Variants in CACNA1C observed in about 807,000 individuals in gnomAD.
The protein encoded by CACNA1C is voltage-dependent L-type calcium channel subunit alpha-1C.
Under a neutral mutation model 229.0 loss-of-function variants are expected in CACNA1C, and 30 were observed. The ratio of observed to expected loss-of-function variants is 0.13; its 90% CI spans 0.10 to 0.18. The LOEUF (loss-of-function observed/expected upper bound fraction) is 0.18. Among genes scored for constraint, CACNA1C ranks in the 10% least tolerant of loss-of-function variants. The probability of loss-of-function intolerance (pLI) is 1.00; values close to 1 mark genes in which losing one functional copy is unlikely to be tolerated. For missense variants in CACNA1C, 1,658 were observed against 2,845.0 expected (o/e 0.58, Z 9.49); for synonymous variants, 1,114 against 1,132.5 (o/e 0.98, Z 0.33).
At chr12:2,687,864 A>C (rs1242233707) in intron 45 of CACNA1C, among the ~76,000 whole-genome samples, 1 of 152,184 alleles carries the variant, frequency 6.6e-6, no homozygotes, top group Non-Finnish European at 1.5e-5. Context: ...ACAATACAGC[A>C]CCGGATTTAA....
At chr12:2,382,535 T>C (rs2098272930) in intron 3 of CACNA1C, among the ~76,000 whole-genome samples, 4 of 152,168 alleles carry the variant, frequency 2.6e-5, no homozygotes, top group Admixed American at 2.6e-4. Context: ...TTCTCTAAAT[T>C]GGCAATTCAC....
chr12:2,393,830 T>A (rs56151937), intron 3 of CACNA1C, among the ~76,000 whole-genome samples: 1 of 151,914 alleles, frequency 6.6e-6, no homozygotes, highest in African/African-American at 2.4e-5. Flanking sequence ...TGGGGATTGG[T>A]CGTGGAGGCT....
intron 3 of CACNA1C, among the ~76,000 whole-genome samples, chr12:2,239,544 C>T (rs1260191572): frequency 6.6e-6 from 1 of 152,106 alleles, no homozygotes; most frequent in Non-Finnish European, 1.5e-5. Context: ...CTGGGAAGCC[C>T]GGCGCTTCCC....
At chr12:2,341,838 G>A (rs1313711189) in intron 3 of CACNA1C, among the ~76,000 whole-genome samples, 1 of 152,202 alleles carries the variant, frequency 6.6e-6, no homozygotes, top group Non-Finnish European at 1.5e-5. Context: ...TCTGGCCCTG[G>A]CTGTGATGAT....
intron 9 of CACNA1C, among the ~76,000 whole-genome samples, chr12:2,545,312 A>G (rs967844629): frequency 5.5e-5 from 8 of 145,942 alleles, no homozygotes; most frequent in African/African-American, 2.0e-4. Context: ...AGAATGGTTG[A>G]CATTGAGTTA....
At chr12:2,026,889 T>C (rs2047416058) in intron 1 of CACNA1C, among the ~76,000 whole-genome samples, 1 of 152,228 alleles carries the variant, frequency 6.6e-6, no homozygotes, top group African/African-American at 2.4e-5. Context: ...TATACATTCT[T>C]GGAGTACAAA....
chr12:2,460,594 A>G (rs1005791511), intron 5 of CACNA1C, among the ~76,000 whole-genome samples: 1 of 152,234 alleles, frequency 6.6e-6, no homozygotes, highest in Non-Finnish European at 1.5e-5. Flanking sequence ...GCACTTAAGT[A>G]AGGTAGACGT....
At chr12:2,444,395 G>A (rs999157379) in intron 3 of CACNA1C, among the ~76,000 whole-genome samples, 11 of 152,114 alleles carry the variant, frequency 7.2e-5, no homozygotes, top group Admixed American at 2.0e-4. Flanking sequence ...AGATAAATTC[G>A]CATAATGTGA....
At chr12:2,539,271 G>A (rs1408053097) in intron 9 of CACNA1C, among the ~76,000 whole-genome samples, 1 of 123,820 alleles carries the variant, frequency 8.1e-6, no homozygotes, top group Admixed American at 8.3e-5. Flanking sequence ...AAAGATGCAG[G>A]CAGGGTTTAA....
chr12:2,674,296 G>A (rs1172480731), intron 38 of CACNA1C, among the ~76,000 whole-genome samples: 1 of 152,220 alleles, frequency 6.6e-6, no homozygotes, highest in Non-Finnish European at 1.5e-5. Flanking sequence ...AGGGGGAAGG[G>A]GACAGGAATG....
intron 1 of CACNA1C, among the ~76,000 whole-genome samples, chr12:2,065,705 G>A (rs2059044595): frequency 6.6e-6 from 1 of 152,220 alleles, no homozygotes; most frequent in Admixed American, 6.5e-5. Context: ...TGGAATAAAT[G>A]GAGGAAGTGT....
intron 42 of CACNA1C, chr12:2,680,533 G>A (rs1264900147): frequency 3.2e-6 from 5 of 1,573,894 alleles, no homozygotes; most frequent in South Asian, 1.2e-5. Flanking sequence ...TCCAGAGTAG[G>A]AGAGTGGCTC....
At chr12:2,166,510 A>G (rs1311224857) in intron 3 of CACNA1C, among the ~76,000 whole-genome samples, 1 of 152,226 alleles carries the variant, frequency 6.6e-6, no homozygotes, top group Non-Finnish European at 1.5e-5. Context: ...ATGAGGAACA[A>G]TGGGCTTCTC....
chr12:2,237,228 G>A (rs145187894), intron 3 of CACNA1C, among the ~76,000 whole-genome samples: 2 of 152,260 alleles, frequency 1.3e-5, no homozygotes, highest in East Asian at 3.9e-4. Flanking sequence ...AAAAATATAC[G>A]TTCAAGCAAA....
intron 10 of CACNA1C, among the ~76,000 whole-genome samples, chr12:2,555,667 G>T (rs752760921): frequency 6.6e-6 from 1 of 152,228 alleles, no homozygotes; most frequent in Non-Finnish European, 1.5e-5. Context: ...AGCCCTCACA[G>T]GCAGTCTTTG....
intron 3 of CACNA1C, among the ~76,000 whole-genome samples, chr12:2,165,451 C>T (rs981040076): frequency 4.6e-5 from 7 of 152,150 alleles, no homozygotes; most frequent in Non-Finnish European, 1.0e-4. Context: ...GAGGGTGGCT[C>T]AGTGATCTAA....
chr12:2,358,376 T>C (rs2097451861), intron 3 of CACNA1C, among the ~76,000 whole-genome samples: 1 of 152,066 alleles, frequency 6.6e-6, no homozygotes, highest in African/African-American at 2.4e-5. Context: ...CAAATGTTTC[T>C]TGGCATGTAA....
At chr12:2,407,292 G>A (rs1460818562) in intron 3 of CACNA1C, among the ~76,000 whole-genome samples, 1 of 151,980 alleles carries the variant, frequency 6.6e-6, no homozygotes, top group South Asian at 2.1e-4. Context: ...GTACTGGGGA[G>A]CCTCATCATG....
intron 7 of CACNA1C, among the ~76,000 whole-genome samples, chr12:2,494,208 A>T (rs2099742134): frequency 6.6e-6 from 1 of 152,102 alleles, no homozygotes; most frequent in African/African-American, 2.4e-5. Flanking sequence ...GTTTACCTTA[A>T]AGTTGCCCCT....
Sources: allele counts gnomAD v4.1 joint callset (sites outside exome capture counted in the v4.1 genomes callset), GRCh38; gene constraint gnomAD v4.1.1; transcripts MANE v1.5; gene names NCBI Gene and HGNC (gene_info 2026-07-23, HGNC 2026-07-21).